The following CLEC16A variants were observed in gnomAD, a reference collection of about 807,000 sequenced individuals.
CLEC16A encodes protein CLEC16A.
A neutral mutation model predicts 109.5 loss-of-function variants in CLEC16A; 51 were observed. The ratio of observed to expected loss-of-function variants is 0.47; its 90% CI spans 0.37 to 0.59. The LOEUF (loss-of-function observed/expected upper bound fraction) is 0.59. Ranked by LOEUF, CLEC16A falls within the 20% of genes least tolerant of loss-of-function variation. The pLI is 0.00. For missense variants in CLEC16A, 1,339 were observed against 1,394.0 expected (o/e 0.96, Z 0.63); for synonymous variants, 673 against 564.2 (o/e 1.19, Z -2.73).
chr16:10,977,459 C>T, intron 8 of CLEC16A, 60 bp downstream of exon 8: 1 of 1,468,816 alleles, frequency 6.8e-7, no homozygotes, highest in African/African-American at 1.4e-5. Context: ...GAAGAACAGT[C>T]CCCAGTCCCC....
intron 10 of CLEC16A, among the ~76,000 whole-genome samples, chr16:10,997,929 T>G (rs1000201782): frequency 1.3e-5 from 2 of 152,260 alleles, no homozygotes; most frequent in Admixed American, 1.3e-4. Context: ...TCCAGGTCTT[T>G]GTAAGCTGCT....
intron 23 of CLEC16A, among the ~76,000 whole-genome samples, chr16:11,176,145 C>G (rs886415142): frequency 3.3e-5 from 5 of 152,272 alleles, no homozygotes; most frequent in Admixed American, 2.0e-4. Context: ...ACCACAGGTT[C>G]TGAGGAACAG....
At chr16:11,017,331 C>G (rs2045819938) in intron 11 of CLEC16A, among the ~76,000 whole-genome samples, 1 of 152,122 alleles carries the variant, frequency 6.6e-6, no homozygotes, top group Non-Finnish European at 1.5e-5. Context: ...CTACAAAACC[C>G]CTGTTCTAGT....
intron 21 of CLEC16A, among the ~76,000 whole-genome samples, chr16:11,125,567 C>CGGAT (rs1192278194): frequency 6.6e-6 from 1 of 152,186 alleles, no homozygotes; most frequent in Admixed American, 6.5e-5. Flanking sequence ...TGCACATGTG[C>CGGAT]GGATATACAT....
intron 22 of CLEC16A, among the ~76,000 whole-genome samples, chr16:11,147,979 A>G (rs1401814731): frequency 1.3e-5 from 2 of 152,120 alleles, no homozygotes; most frequent in African/African-American, 4.8e-5. Context: ...TTTGACTTTG[A>G]GAAAAAAACT....
intron 13 of CLEC16A, among the ~76,000 whole-genome samples, chr16:11,035,734 T>C (rs1029956005): frequency 1.3e-5 from 2 of 152,374 alleles, no homozygotes; most frequent in East Asian, 3.9e-4. Flanking sequence ...GGCAATCTTG[T>C]CATCTTAGCA....
At chr16:11,124,147 G>GA (rs1407103025) in intron 21 of CLEC16A, among the ~76,000 whole-genome samples, 2 of 152,266 alleles carry the variant, frequency 1.3e-5, no homozygotes, top group African/African-American at 4.8e-5. Flanking sequence ...GCATGGAAGA[G>GA]AAGAGGAGCT....
intron 22 of CLEC16A, among the ~76,000 whole-genome samples, chr16:11,150,941 A>T (rs1294171932): frequency 1.3e-5 from 2 of 152,194 alleles, no homozygotes; most frequent in Non-Finnish European, 2.9e-5. Context: ...CCTGTGTGAA[A>T]ATCTGCGTCC....
chr16:11,081,549 C>T (rs1053938269), intron 19 of CLEC16A, among the ~76,000 whole-genome samples: 10 of 152,158 alleles, frequency 6.6e-5, no homozygotes, highest in Non-Finnish European at 1.2e-4. Context: ...AAATCCTCCT[C>T]CATGGCCATC....
chr16:11,089,184 A>T (rs2050172887), intron 19 of CLEC16A, among the ~76,000 whole-genome samples: 2 of 152,218 alleles, frequency 1.3e-5, no homozygotes, highest in Admixed American at 6.5e-5. Context: ...GTAGACACCC[A>T]CTAAATTTTT....
chr16:11,025,273 T>C (rs949359549), intron 13 of CLEC16A, among the ~76,000 whole-genome samples: 3 of 152,336 alleles, frequency 2.0e-5, no homozygotes, highest in Middle Eastern at 3.4e-3. Context: ...CTGAAATCAG[T>C]CAAATTGTAA....
chr16:11,089,596 C>T (rs1567302526), intron 19 of CLEC16A, among the ~76,000 whole-genome samples: 1 of 151,868 alleles, frequency 6.6e-6, no homozygotes, highest in Non-Finnish European at 1.5e-5. Flanking sequence ...CACACTGGCC[C>T]CTGTTGGTCT....
At chr16:11,155,472 G>A (rs6498169) in intron 22 of CLEC16A, among the ~76,000 whole-genome samples, 100,108 of 152,148 alleles carry the variant, frequency 0.66, 33,480 homozygotes, top group South Asian at 0.76. Flanking sequence ...CAGAAGGCTC[G>A]TGTCCAGCCG....
At chr16:11,005,795 C>T (rs927120883) in intron 11 of CLEC16A, among the ~76,000 whole-genome samples, 1 of 152,080 alleles carries the variant, frequency 6.6e-6, no homozygotes, top group Non-Finnish European at 1.5e-5. Flanking sequence ...ACATTGCATA[C>T]CAGAGAACAG....
At chr16:11,116,685 G>C (rs1394350676) in intron 19 of CLEC16A, among the ~76,000 whole-genome samples, 1 of 152,184 alleles carries the variant, frequency 6.6e-6, no homozygotes, top group African/African-American at 2.4e-5. Context: ...ACTGAAAAAG[G>C]AGAGGGGGGA....
intron 22 of CLEC16A, among the ~76,000 whole-genome samples, chr16:11,162,739 A>G (rs2054768403): frequency 6.6e-6 from 1 of 152,164 alleles, no homozygotes; most frequent in South Asian, 2.1e-4. Flanking sequence ...CATCATCTAG[A>G]GGGATTAGAA....
intron 22 of CLEC16A, among the ~76,000 whole-genome samples, chr16:11,136,935 C>G (rs930203846): frequency 6.6e-6 from 1 of 152,234 alleles, no homozygotes. Flanking sequence ...TCACAAGTGG[C>G]CAGCCAGGGC....
rs192908780 is a variant in CLEC16A at position 10,998,459 on chromosome 16, A to G, written c.1072-4615A>G. Among the ~76,000 whole-genome samples the G allele has an allele frequency of 2.0e-5, 3 of 152,316 alleles. No individual in the cohort carries two copies. In the East Asian group the frequency reaches 5.8e-4, roughly 29 times the overall value. On this transcript the variant is annotated intron_variant, in intron 10 of 23. Transcript: ENST00000409790. ...TAAACCTGTGGCATTTGGGACATGT[A>G]GACCTTCTTTGCAGAATACTTTTCC...
chr16:11,042,041 G>C, intron 14 of CLEC16A: 1 of 549,964 alleles, frequency 1.8e-6, no homozygotes, highest in Non-Finnish European at 3.3e-6. Flanking sequence ...GGAAGTATTT[G>C]GTATAGGTAG....
Sources: allele counts gnomAD v4.1 joint callset (sites outside exome capture counted in the v4.1 genomes callset), GRCh38; gene constraint gnomAD v4.1.1; transcripts MANE v1.5; gene names NCBI Gene and HGNC (gene_info 2026-07-23, HGNC 2026-07-21).